Variants in CDS2 observed in about 807,000 individuals in gnomAD.
The protein encoded by CDS2 is phosphatidate cytidylyltransferase 2.
In CDS2, 47 loss-of-function variants were observed where a neutral mutation model predicts 59.0. That is an observed-to-expected ratio of 0.80 (90% CI 0.63 to 1.02). The LOEUF (loss-of-function observed/expected upper bound fraction) is 1.02, where lower values mean the gene tolerates loss of function less well. CDS2 is among the 50% of genes least tolerant of loss of function. The probability of loss-of-function intolerance (pLI) is 0.00; values close to 1 mark genes in which losing one functional copy is unlikely to be tolerated. For missense variants in CDS2, 356 were observed against 558.9 expected, an observed-to-expected ratio of 0.64 and a Z score of 3.66; for synonymous variants, 207 against 206.4, an observed-to-expected ratio of 1.00 and a Z score of -0.02.
intron 1 of CDS2, among the ~76,000 whole-genome samples, chr20:5,143,115 A>G (rs140307224): frequency 0.012 from 1,869 of 152,218 alleles, 47 homozygotes; most frequent in African/African-American, 0.041. Context: ...CAGTGCTGGT[A>G]TTATTGGTGT....
At chr20:5,156,451 C>A (rs539406477) in intron 1 of CDS2, among the ~76,000 whole-genome samples, 3 of 151,972 alleles carry the variant, frequency 2.0e-5, no homozygotes, top group African/African-American at 7.3e-5. Context: ...GGACATAACT[C>A]GTGTTATGGG....
At chr20:5,142,266 G>A (rs561754492) in intron 1 of CDS2, among the ~76,000 whole-genome samples, 9 of 152,230 alleles carry the variant, frequency 5.9e-5, no homozygotes, top group Middle Eastern at 3.4e-3. Flanking sequence ...GGCCAGCATG[G>A]TGAAACCCCA....
Position 5,182,523 on chromosome 20 carries a change from C to T in CDS2, c.588+78C>T. 9 of 1,285,804 alleles carry T rather than the reference C, an allele frequency of 7.0e-6. No individual in the cohort carries two copies. The South Asian group carries it at 1.2e-4, about 16-fold the overall frequency. The allele number at this position is 1,285,804 out of a possible 1,614,324, so 79.6% of individuals were successfully genotyped here. A position where few individuals can be genotyped will look rare whatever the true frequency, so the allele number is the denominator to read the frequency against. ...TCAGGAACTCAACAAGCCTTTCATG[C>T]TTTCTGTGACAAATCAAAACTCAGG... On this transcript the variant is annotated intron_variant, in intron 6 of 12. Coordinates refer to ENST00000460006, the MANE Select transcript of CDS2 (RefSeq NM_003818.4).
chr20:5,154,246 C>T (rs1003892218), intron 1 of CDS2, among the ~76,000 whole-genome samples: 3 of 152,154 alleles, frequency 2.0e-5, no homozygotes, highest in East Asian at 1.9e-4. Context: ...CCCCAGTTGC[C>T]GAGCCTGGAG....
intron 11 of CDS2, 63 bp from the exon 12 acceptor site, chr20:5,189,672 A>T: frequency 8.2e-7 from 1 of 1,224,190 alleles, no homozygotes; most frequent in South Asian, 1.3e-5. Context: ...GGGTGGGACC[A>T]TTAGGCTGGG....
intron 1 of CDS2, among the ~76,000 whole-genome samples, chr20:5,166,321 C>A (rs764424650): frequency 6.6e-6 from 1 of 151,970 alleles, no homozygotes. Context: ...CTTGAAAATT[C>A]GGGGAAAGGG....
At chr20:5,189,643 G>A in intron 11 of CDS2, 92 bp from the exon 12 acceptor site, 1 of 882,442 alleles carries the variant, frequency 1.1e-6, no homozygotes, top group Non-Finnish European at 1.9e-6. Flanking sequence ...CAGCTACTCA[G>A]CACAGAAGCC....
chr20:5,193,604 C>G lies in CDS2; in HGVS notation c.*3370C>G, dbSNP rs2091134841. On this transcript the variant is annotated 3_prime_UTR_variant, in exon 13 of 13. Coordinates refer to ENST00000460006, the MANE Select transcript of CDS2 (RefSeq NM_003818.4). ...TGAGATCTTCACACTGTCAGTGAGCCCTTGGCTCAGCCCTTGTCACCTGTT... is the reference window on the plus strand; with the variant it reads ...TGAGATCTTCACACTGTCAGTGAGCGCTTGGCTCAGCCCTTGTCACCTGTT... The G allele has an allele frequency of 6.6e-6, 1 of 152,182 alleles. No homozygotes were observed. Among genetic ancestry groups the G allele is most frequent in the Non-Finnish European group, 1.5e-5 (1 of 68,044 alleles). 9.4% of individuals were successfully genotyped at this position (152,182 alleles called of 1,614,324 possible).
intron 1 of CDS2, among the ~76,000 whole-genome samples, chr20:5,158,862 G>C (rs1413170954): frequency 6.6e-6 from 1 of 152,160 alleles, no homozygotes; most frequent in African/African-American, 2.4e-5. Flanking sequence ...TTTGCAAACT[G>C]TGTTCTCTGC....
At chr20:5,153,502 AC>A in intron 1 of CDS2, among the ~76,000 whole-genome samples, 1 of 152,262 alleles carries the variant, frequency 6.6e-6, no homozygotes, top group East Asian at 1.9e-4. Context: ...TGATTTCAAG[AC>A]CCGGTAGGTC....
intron 1 of CDS2, among the ~76,000 whole-genome samples, chr20:5,135,671 G>C (rs1170554893): frequency 6.6e-6 from 1 of 152,186 alleles, no homozygotes; most frequent in Non-Finnish European, 1.5e-5. Context: ...TCCTATGCCA[G>C]TCACTGATAT....
At chr20:5,134,440 A>T (rs530648848) in intron 1 of CDS2, among the ~76,000 whole-genome samples, 1 of 152,340 alleles carries the variant, frequency 6.6e-6, no homozygotes, top group South Asian at 2.1e-4. Flanking sequence ...TTGACTCCAC[A>T]TAATCAATTT....
At position 5,127,011 on chromosome 20, in the gene CDS2, A is replaced by G. The variant is rs536729756; in HGVS notation, c.-82A>G. The G allele has an allele frequency of 3.7e-5, 49 of 1,316,082 alleles. No individual in the cohort carries two copies. In the South Asian group the frequency reaches 6.9e-4, roughly 19 times the overall value. 81.5% of individuals were successfully genotyped at this position (1,316,082 alleles called of 1,614,324 possible). On this transcript the variant is annotated 5_prime_UTR_variant, in exon 1 of 13. Transcript: ENST00000460006. ...CGGGCGGGGCGGGGCCGGCCGTGGG[A>G]GTCCGCGCGTGCCCGCGCCGAGCTG...
At chr20:5,161,337 A>G (rs750374765) in intron 1 of CDS2, among the ~76,000 whole-genome samples, 1 of 152,212 alleles carries the variant, frequency 6.6e-6, no homozygotes, top group Non-Finnish European at 1.5e-5. Context: ...CGCTAGCCAC[A>G]TTTTAATTGT....
At position 5,195,332 on chromosome 20, in the gene CDS2, A is replaced by T. The variant is rs1337130817; in HGVS notation, c.*5098A>T. On this transcript the variant is annotated 3_prime_UTR_variant, in exon 13 of 13. Transcript: ENST00000460006. ...GGGTCCCTCCGAGAGAAGCACGCCA[A>T]CCTTAACATCCCCTACAGCATCTTG... 3.3e-5 allele frequency: 5 copies of T among 152,432 alleles called. No homozygotes were observed. In the East Asian group the frequency reaches 5.8e-4, roughly 18 times the overall value. The allele number at this position is 152,432 out of a possible 1,614,324, so 9.4% of individuals were successfully genotyped here.
intron 2 of CDS2, among the ~76,000 whole-genome samples, 183 bp downstream of exon 2, chr20:5,173,842 A>C (rs1397454916): frequency 6.6e-6 from 1 of 152,200 alleles, no homozygotes; most frequent in Admixed American, 6.5e-5. Context: ...CAGTGAGCAC[A>C]GTGACCAGGA....
rs112922184 is a variant in CDS2, at chr20:5,163,467, G to T, written c.58-10056G>T. ...GTAGAGACAGGGTTTCTCCCTGTTG[G>T]TCAGGCTGGTCTCGAACTCCCAACC... On this transcript the variant is annotated intron_variant, in intron 1 of 12. Coordinates refer to ENST00000460006, the MANE Select transcript of CDS2 (RefSeq NM_003818.4). Among the ~76,000 whole-genome samples, 337 of 147,838 alleles carry T rather than the reference G, an allele frequency of 2.3e-3. 3 individuals are homozygous for T. Among genetic ancestry groups the T allele is most frequent in the Non-Finnish European group, 2.8e-3 (185 of 66,496 alleles).
chr20:5,136,538 T>C (rs1236206066), intron 1 of CDS2, among the ~76,000 whole-genome samples: 1 of 152,224 alleles, frequency 6.6e-6, no homozygotes, highest in African/African-American at 2.4e-5. Context: ...AATCCTTATC[T>C]GTCTTTTACT....
intron 1 of CDS2, among the ~76,000 whole-genome samples, chr20:5,152,776 T>C (rs1352730887): frequency 6.6e-6 from 1 of 152,222 alleles, no homozygotes; most frequent in Non-Finnish European, 1.5e-5. Flanking sequence ...AATTAGTCTC[T>C]AGGCAGAAAC....
Sources: gnomAD v4.1 joint callset for allele counts (sites outside exome capture counted in the v4.1 genomes callset) on GRCh38, gnomAD v4.1.1 for gene constraint, MANE v1.5 for transcripts, NCBI Gene and HGNC (gene_info 2026-07-23, HGNC 2026-07-21) for gene names.